Variants in UBAC1 observed in about 807,000 individuals in gnomAD.
UBAC1 encodes the protein UBA domain containing 1, also known as ubiquitin-associated domain-containing protein 1.
Under a neutral mutation model 45.9 loss-of-function variants are expected in UBAC1, and 27 were observed. That is an observed-to-expected ratio of 0.59 (90% confidence interval 0.43 to 0.81). The LOEUF (loss-of-function observed/expected upper bound fraction) is 0.81. UBAC1 is among the 30% of genes least tolerant of loss of function. The probability of loss-of-function intolerance (pLI) is 0.00; values close to 1 mark genes in which losing one functional copy is unlikely to be tolerated. For synonymous variants in UBAC1, 227 were observed against 215.5 expected (o/e 1.05, Z -0.47); for missense variants, 529 against 539.2 (o/e 0.98, Z 0.19).
rs144081763 is a variant in UBAC1, at chr9:135,945,936, C to T, written c.606G>A (p.Glu202=). 9 of 1,613,962 alleles carry T rather than the reference C, an allele frequency of 5.6e-6. No homozygotes were observed. The highest frequency in any genetic ancestry group is 5.3e-5 in the African/African-American group (4 of 74,946). ...VDEAALRQLT[E]MGFPENRATK... ...TGGCTCTGTTCTCCGGAAAGCCCAT[C>T]TCCGTGAGCTGCCGCAGGGCAGCCT... The change falls in exon 6 of 10, where the codon GAG becomes GAA. Residue 202 remains glutamate (E), a synonymous_variant. Coordinates refer to ENST00000371756, the MANE Select transcript of UBAC1 (RefSeq NM_016172.3).
chr9:135,945,327 G>T, intron 6 of UBAC1, 77 bp from the exon 7 acceptor site: 1 of 1,294,682 alleles, frequency 7.7e-7, no homozygotes, highest in Non-Finnish European at 1.0e-6. Context: ...TTCCCAAGAA[G>T]AGCCTCTGCT....
At chr9:135,945,273 C>T in intron 6 of UBAC1, 23 bp from the exon 7 acceptor site, 4 of 1,540,346 alleles carry the variant, frequency 2.6e-6, no homozygotes, top group Non-Finnish European at 3.5e-6. Flanking sequence ...AGACTCTTTC[C>T]AACATCCCCA....
At chr9:135,950,357 G>A (rs550360732) in intron 3 of UBAC1, among the ~76,000 whole-genome samples, 38 of 152,244 alleles carry the variant, frequency 2.5e-4, no homozygotes, top group Non-Finnish European at 8.8e-5. Context: ...AGGCCTGGAA[G>A]GCAGCGACTC....
intron 8 of UBAC1, 142 bp downstream of exon 8, chr9:135,939,531 C>G: frequency 1.3e-6 from 1 of 749,904 alleles, no homozygotes; most frequent in East Asian, 2.7e-5. Context: ...CATCACAGCC[C>G]CCACTCACTC....
rs758172218 is a variant in UBAC1 at position 135,945,023 on chromosome 9, C to T, written c.876+5G>A. ...CTGCCTGGCGACAGGTCTAGTAACACATACCCGAGCATCAGCCCGAAACTC... is the reference window on the plus strand; with the variant it reads ...CTGCCTGGCGACAGGTCTAGTAACATATACCCGAGCATCAGCCCGAAACTC... On this transcript the variant is annotated splice_donor_5th_base_variant and intron_variant, in intron 7 of 9. Coordinates refer to ENST00000371756, the MANE Select transcript of UBAC1 (RefSeq NM_016172.3). The T allele has an allele frequency of 6.2e-7, 1 of 1,612,524 alleles. No individual in the cohort carries two copies. Among genetic ancestry groups the T allele is most frequent in the Non-Finnish European group, 8.5e-7 (1 of 1,179,246 alleles).
rs575732729 is a variant in UBAC1, at chr9:135,947,473, G to A, written c.441+325C>T. ...TCATCATGTTGGCCAGGCTGGTCTC[G>A]AACTTCTGACCTCAGGTGATCCACC... is the stretch of plus-strand genomic sequence containing the variant. On this transcript the variant is annotated intron_variant, in intron 4 of 9. Transcript: ENST00000371756. 52 of 242,172 alleles carry A rather than the reference G, an allele frequency of 2.1e-4. 1 individual carries two copies. The highest frequency in any genetic ancestry group is 8.5e-4 in the African/African-American group (38 of 44,560). The allele number at this position is 242,172 out of a possible 1,614,324, so 15.0% of individuals were successfully genotyped here.
At chr9:135,958,052 T>TC (rs977367385) in intron 1 of UBAC1, among the ~76,000 whole-genome samples, 1 of 149,242 alleles carries the variant, frequency 6.7e-6, no homozygotes, top group Non-Finnish European at 1.5e-5. Context: ...TAATTTTCTT[T>TC]TTTTTTTTTT....
At position 135,945,080 on chromosome 9, in the gene UBAC1, G is replaced by A. The variant is rs372402422; in HGVS notation, c.824C>T (p.Thr275Met). Residue 275 changes from threonine (T) to methionine (M), a missense_variant, in exon 7 of 10, where the codon ACG (threonine) becomes ATG (methionine). Transcript: ENST00000371756. Reference sequence around the variant, plus strand: ...CCTCCGGATCTTCTTGAAGATTTCCGTCAGCTCATCTCTGGCCTCCTCATC... The same window carrying A: ...CCTCCGGATCTTCTTGAAGATTTCCATCAGCTCATCTCTGGCCTCCTCATC... ...ATDEEARDEL[T>M]EIFKKIRRKR... 4.3e-5 allele frequency: 69 copies of A among 1,611,002 alleles called. No individual in the cohort carries two copies. The highest frequency in any genetic ancestry group is 1.3e-4 in the East Asian group (6 of 44,750).
At position 135,946,380 on chromosome 9, in the gene UBAC1, A is replaced by G; in HGVS notation, c.442-9T>C. The G allele has an allele frequency of 6.4e-7, 1 of 1,557,916 alleles. No individual in the cohort carries two copies. The highest frequency in any genetic ancestry group is 8.9e-7 in the Non-Finnish European group (1 of 1,129,540). On this transcript the variant is annotated splice_polypyrimidine_tract_variant and intron_variant, in intron 4 of 9. Coordinates refer to ENST00000371756, the MANE Select transcript of UBAC1 (RefSeq NM_016172.3). ...CGGAGTTCTGTCTGGAACTGTGGTG[A>G]AAAAAAAGGAGATCAATTCTCTAAA...
rs532699238 is a variant in UBAC1 at position 135,946,245 on chromosome 9, T to C, written c.544+24A>G. 2.3e-4 allele frequency: 346 copies of C among 1,530,684 alleles called. 2 individuals are homozygous for C. The South Asian group carries it at 3.3e-3, about 15-fold the overall frequency. 94.8% of individuals were successfully genotyped at this position (1,530,684 alleles called of 1,614,324 possible). On this transcript the variant is annotated intron_variant, in intron 5 of 9. Coordinates refer to ENST00000371756, the MANE Select transcript of UBAC1 (RefSeq NM_016172.3). ...AGGCCGGCAGTGAACCGCCCTGGAA[T>C]GCAGCATCGGGGTTGACTCATACCA...
At chr9:135,943,865 C>A (rs1013747799) in intron 7 of UBAC1, among the ~76,000 whole-genome samples, 4 of 152,198 alleles carry the variant, frequency 2.6e-5, no homozygotes, top group Non-Finnish European at 5.9e-5. Flanking sequence ...CAAACTAACA[C>A]AGGAACAAAA....
intron 8 of UBAC1, among the ~76,000 whole-genome samples, chr9:135,939,460 G>A (rs1023943310): frequency 1.3e-5 from 2 of 149,740 alleles, no homozygotes; most frequent in African/African-American, 4.9e-5. Flanking sequence ...ACTCACCACA[G>A]CCCACACTCA....
intron 9 of UBAC1, among the ~76,000 whole-genome samples, chr9:135,936,025 CAAAAAAA>C (rs558643918): frequency 2.0e-4 from 12 of 61,288 alleles, no homozygotes; most frequent in African/African-American, 4.4e-4. Context: ...GATTCCATCT[CAAAAAAA>C]AAAAAAAAAA....
At chr9:135,942,529 G>A (rs1045209264) in intron 7 of UBAC1, among the ~76,000 whole-genome samples, 13 of 151,790 alleles carry the variant, frequency 8.6e-5, no homozygotes, top group Non-Finnish European at 1.9e-4. Flanking sequence ...GTGGTGGTGC[G>A]TGCCTGTAAG....
intron 9 of UBAC1, among the ~76,000 whole-genome samples, chr9:135,935,144 G>A (rs1839188874): frequency 6.6e-6 from 1 of 152,100 alleles, no homozygotes; most frequent in South Asian, 2.1e-4. Flanking sequence ...TGATCCTCTT[G>A]CCTCAACCTC....
At chr9:135,934,609 G>T (rs571256494) in intron 9 of UBAC1, among the ~76,000 whole-genome samples, 1 of 152,168 alleles carries the variant, frequency 6.6e-6, no homozygotes, top group Non-Finnish European at 1.5e-5. Flanking sequence ...GCAGTGAGCC[G>T]AGATTGCGCC....
chr9:135,933,901 T>C (rs904315669), intron 9 of UBAC1, among the ~76,000 whole-genome samples: 1 of 152,038 alleles, frequency 6.6e-6, no homozygotes. Flanking sequence ...ACAGACACTG[T>C]TGCAAAGTTA....
rs1257113431 is a variant in UBAC1 at position 135,947,685 on chromosome 9, C to G, written c.441+113G>C. ...CCTACAGACCCGCTCACCGGCTTCC[C>G]CAAATCCTCCCAGAGAATCTCCTCT... is the stretch of plus-strand genomic sequence containing the variant. On this transcript the variant is annotated intron_variant, in intron 4 of 9. Transcript: ENST00000371756. The G allele has an allele frequency of 3.5e-6, 3 of 847,440 alleles. No individual in the cohort carries two copies. In the African/African-American group the frequency reaches 5.2e-5, roughly 15 times the overall value. 52.5% of individuals were successfully genotyped at this position (847,440 alleles called of 1,614,324 possible).
rs780063954 is a variant in UBAC1, at chr9:135,938,387, C to T, written c.964-27G>A. 8 of 1,606,824 alleles carry T rather than the reference C, an allele frequency of 5.0e-6. No individual in the cohort carries two copies. The South Asian group carries it at 8.8e-5, about 18-fold the overall frequency. ...TGCAAAGCCAAGAGCACCAATACCACTGTTAGCGCCTTCAGTGCCTCCGCA... is the reference window on the plus strand; with the variant it reads ...TGCAAAGCCAAGAGCACCAATACCATTGTTAGCGCCTTCAGTGCCTCCGCA... On this transcript the variant is annotated intron_variant, in intron 8 of 9. Transcript: ENST00000371756.
Sources: gnomAD v4.1 joint callset for allele counts (sites outside exome capture counted in the v4.1 genomes callset) on GRCh38, gnomAD v4.1.1 for gene constraint, MANE v1.5 for transcripts, NCBI Gene and HGNC (gene_info 2026-07-23, HGNC 2026-07-21) for gene names.